Variants in NAV2 observed in about 807,000 individuals in gnomAD.
NAV2 encodes helicase, APC down-regulated 1.
NAV2 carries 54 observed loss-of-function variants against 223.2 expected under a neutral mutation model. The observed-to-expected ratio is 0.24, with a 90% CI of 0.19 to 0.30. The LOEUF is 0.30. NAV2 is among the 10% of genes least tolerant of loss of function. NAV2 has a pLI of 1.00. For missense variants in NAV2, 2,806 were observed against 3,147.5 expected, an observed-to-expected ratio of 0.89 and a Z score of 2.60; for synonymous variants, 1,279 against 1,239.3, an observed-to-expected ratio of 1.03 and a Z score of -0.67.
At chr11:19,989,508 C>A (rs966048271) in intron 11 of NAV2, among the ~76,000 whole-genome samples, 1 of 152,072 alleles carries the variant, frequency 6.6e-6, no homozygotes, top group African/African-American at 2.4e-5. Flanking sequence ...GTGAGCTAAT[C>A]AATTTTTTTT....
intron 1 of NAV2, among the ~76,000 whole-genome samples, chr11:19,745,046 C>T (rs185965995): frequency 6.6e-6 from 1 of 152,278 alleles, no homozygotes; most frequent in East Asian, 1.9e-4. Flanking sequence ...ACTAAATATT[C>T]CCTATCGCTC....
chr11:19,424,762 G>A (rs186596681), intron 1 of NAV2, among the ~76,000 whole-genome samples: 242 of 152,122 alleles, frequency 1.6e-3, no homozygotes, highest in African/African-American at 5.7e-3. Context: ...TGTTGGCCAG[G>A]CTGGTTTCTA....
chr11:20,038,595 C>T (rs1166627890), intron 12 of NAV2, among the ~76,000 whole-genome samples: 1 of 152,212 alleles, frequency 6.6e-6, no homozygotes. Context: ...TTACTCCTGT[C>T]TGAGCGGCAT....
At chr11:19,372,844 G>C (rs1848518039) in intron 1 of NAV2, among the ~76,000 whole-genome samples, 1 of 152,190 alleles carries the variant, frequency 6.6e-6, no homozygotes, top group African/African-American at 2.4e-5. Flanking sequence ...GGCTGTTGGA[G>C]TTTCTAGGAA....
intron 6 of NAV2, among the ~76,000 whole-genome samples, chr11:19,907,152 T>A (rs1229895638): frequency 6.6e-6 from 1 of 152,196 alleles, no homozygotes; most frequent in Non-Finnish European, 1.5e-5. Context: ...TATATAAGGT[T>A]TGTTGAATCA....
At chr11:19,827,158 C>T (rs1277785889) in intron 1 of NAV2, among the ~76,000 whole-genome samples, 1 of 152,080 alleles carries the variant, frequency 6.6e-6, no homozygotes, top group Non-Finnish European at 1.5e-5. Context: ...TGGGGTGTGT[C>T]CAGTTTTCCT....
chr11:19,493,358 G>A (rs1327701771), intron 1 of NAV2, among the ~76,000 whole-genome samples: 1 of 152,116 alleles, frequency 6.6e-6, no homozygotes, highest in Non-Finnish European at 1.5e-5. Flanking sequence ...TAACTATGTA[G>A]GAATCTATTG....
At chr11:19,503,641 T>C (rs1045947143) in intron 1 of NAV2, 2 of 152,228 alleles carry the variant, frequency 1.3e-5, no homozygotes, top group African/African-American at 4.8e-5. Context: ...TCATTTCCTT[T>C]TAGTGCTGAA....
chr11:20,061,246 A>G (rs2058680012), intron 19 of NAV2, among the ~76,000 whole-genome samples: 1 of 152,126 alleles, frequency 6.6e-6, no homozygotes, highest in African/African-American at 2.4e-5. Flanking sequence ...AAGTCCTAGA[A>G]AACACTATAT....
At chr11:19,680,679 G>A (rs1297981165) in intron 1 of NAV2, among the ~76,000 whole-genome samples, 5 of 152,194 alleles carry the variant, frequency 3.3e-5, no homozygotes, top group Admixed American at 3.3e-4. Context: ...TTCCTTATCT[G>A]CAAAATGGGG....
At position 19,658,413 on chromosome 11, in the gene NAV2, T is replaced by A. The variant is rs530283420; in HGVS notation, c.76-174071T>A. ...AAGAAAAGTGAGTCTTAGGAGGCTA[T>A]GTGGTTTGTTCAAGGTCACACAGCT... On this transcript the variant is annotated intron_variant, in intron 1 of 37. Coordinates refer to the NAV2 transcript ENST00000360655. 1.1e-4 allele frequency among the ~76,000 whole-genome samples: 16 copies of A among 152,312 alleles called. No individual in the cohort carries two copies. In the South Asian group the frequency reaches 2.7e-3, roughly 26 times the overall value.
chr11:19,545,946 T>C (rs1376453547), intron 1 of NAV2, among the ~76,000 whole-genome samples: 1 of 152,216 alleles, frequency 6.6e-6, no homozygotes, highest in Non-Finnish European at 1.5e-5. Context: ...TTGTATTATA[T>C]GCAGTTATAA....
chr11:19,412,360 C>T (rs1421469429), intron 1 of NAV2, among the ~76,000 whole-genome samples: 1 of 152,236 alleles, frequency 6.6e-6, no homozygotes, highest in Admixed American at 6.5e-5. Flanking sequence ...TGTAGCCAGA[C>T]TGCCTCTCTA....
intron 1 of NAV2, among the ~76,000 whole-genome samples, chr11:19,776,579 T>TGTGG (rs2056189162): frequency 7.9e-6 from 1 of 125,882 alleles, no homozygotes; most frequent in Admixed American, 8.0e-5. Context: ...GGGGCAGGGG[T>TGTGG]GTGTGTGTGT....
Position 19,868,978 on chromosome 11 carries a change from C to A in NAV2, c.492C>A (p.Ile164=). The change falls in exon 4 of 38, where the codon ATC becomes ATA. Residue 164 remains isoleucine, a synonymous_variant. Transcript: ENST00000349880. ...LNFLAAKGIN[I]QGLSAEEIRN... is the part of the protein sequence containing the mutation. ...TCCTGGCAGCTAAGGGAATAAACAT[C>A]CAGGGGCTGTCTGCAGAAGGTGAGT... is the stretch of plus-strand genomic sequence containing the variant. The A allele has an allele frequency of 6.2e-7, 1 of 1,613,948 alleles. No individual in the cohort carries two copies. The highest frequency in any genetic ancestry group is 8.5e-7 in the Non-Finnish European group (1 of 1,179,912).
At chr11:19,757,939 C>G (rs1023169262) in intron 1 of NAV2, among the ~76,000 whole-genome samples, 2 of 152,326 alleles carry the variant, frequency 1.3e-5, no homozygotes, top group South Asian at 2.1e-4. Flanking sequence ...TGCTGCCTCT[C>G]TCAGTGTCAT....
chr11:20,051,083 G>T (rs753224795), intron 16 of NAV2, among the ~76,000 whole-genome samples: 12 of 152,188 alleles, frequency 7.9e-5, no homozygotes, highest in African/African-American at 2.7e-4. Flanking sequence ...TAAAGTATGC[G>T]CTGGTGTCAG....
At chr11:19,909,402 T>C (rs1015712048) in intron 6 of NAV2, among the ~76,000 whole-genome samples, 15 of 152,154 alleles carry the variant, frequency 9.9e-5, no homozygotes, top group African/African-American at 3.4e-4. Flanking sequence ...ACAGCATAGA[T>C]AGAAGGCCTT....
At chr11:19,596,632 C>T (rs1033913719) in intron 1 of NAV2, among the ~76,000 whole-genome samples, 1 of 152,230 alleles carries the variant, frequency 6.6e-6, no homozygotes, top group East Asian at 1.9e-4. Flanking sequence ...GCAGAACCAG[C>T]TCGCTGGGTT....
Sources: gnomAD v4.1 joint callset for allele counts (sites outside exome capture counted in the v4.1 genomes callset) on GRCh38, gnomAD v4.1.1 for gene constraint, MANE v1.5 for transcripts, NCBI Gene and HGNC (gene_info 2026-07-23, HGNC 2026-07-21) for gene names.